Variants in INSRR observed in about 807,000 individuals in gnomAD.
INSRR encodes insulin receptor related receptor.
INSRR carries 114 observed loss-of-function variants against 130.0 expected under a neutral mutation model. The ratio of observed to expected loss-of-function variants is 0.88; its 90% CI spans 0.75 to 1.02. The LOEUF (loss-of-function observed/expected upper bound fraction) is 1.02. INSRR is among the 50% of genes least tolerant of loss of function. The pLI is 0.00. For missense variants in INSRR, 1,657 were observed against 1,735.2 expected, an observed-to-expected ratio of 0.95 and a Z score of 0.80; for synonymous variants, 674 against 705.2, an observed-to-expected ratio of 0.96 and a Z score of 0.70.
rs1654736329 is a variant in INSRR at position 156,840,591 on chromosome 1, G to T, written c.*282C>A. Reference sequence around the variant, plus strand: ...GGCCCCCTCTTCCTAGTCTGAGTGGGGTCCCTACCTCTGAGGGCAGGACAT... The same window carrying T: ...GGCCCCCTCTTCCTAGTCTGAGTGGTGTCCCTACCTCTGAGGGCAGGACAT... On this transcript the variant is annotated 3_prime_UTR_variant, in exon 22 of 22. Transcript: ENST00000368195. The T allele has an allele frequency of 2.1e-6, 1 of 484,594 alleles. No homozygotes were observed. The highest frequency in any genetic ancestry group is 1.9e-5 in the African/African-American group (1 of 51,540). The allele number at this position is 484,594 out of a possible 1,614,324, so 30.0% of individuals were successfully genotyped here. A position where few individuals can be genotyped will look rare whatever the true frequency, so the allele number is the denominator to read the frequency against.
chr1:156,854,847 A>G lies in INSRR; in HGVS notation c.86-544T>C, dbSNP rs1347906620. On this transcript the variant is annotated intron_variant, in intron 1 of 21. Transcript: ENST00000368195. The surrounding 1 kb of genome is among the most constrained non-coding windows in gnomAD (Gnocchi z 4.2). ...CAGCCAGAGTGATCTCAAAACACAGATGGATCACGTTTCTCCTCTGCTTAT... is the reference window on the plus strand; with the variant it reads ...CAGCCAGAGTGATCTCAAAACACAGGTGGATCACGTTTCTCCTCTGCTTAT... 6.6e-6 allele frequency among the ~76,000 whole-genome samples: 1 copy of G among 151,908 alleles called. No individual in the cohort carries two copies. Among genetic ancestry groups the G allele is most frequent in the African/African-American group, 2.4e-5 (1 of 41,332 alleles).
Position 156,856,569 on chromosome 1 carries a change from G to A in INSRR, c.85+1968C>T, listed in dbSNP as rs148328310. On this transcript the variant is annotated intron_variant, in intron 1 of 21. Transcript: ENST00000368195. ...CTTTCTTCCCTGACCCTCTGGCCTGGAGTTAATCACTTCCCCTTTAGGCTC... is the reference window on the plus strand; with the variant it reads ...CTTTCTTCCCTGACCCTCTGGCCTGAAGTTAATCACTTCCCCTTTAGGCTC... 4.0e-3 allele frequency among the ~76,000 whole-genome samples: 607 copies of A among 152,272 alleles called. 1 individual carries two copies. Among genetic ancestry groups the A allele is most frequent in the African/African-American group, 0.014 (570 of 41,532 alleles).
Position 156,847,810 on chromosome 1 carries a change from C to T in INSRR, c.1572-1053G>A, listed in dbSNP as rs988338800. On this transcript the variant is annotated intron_variant, in intron 7 of 21. Coordinates refer to ENST00000368195, the MANE Select transcript of INSRR (RefSeq NM_014215.3). ...CTCTGAGGGAGCATAGCTGCAGCCACGCTGCAGGGCAGTGATGTTAGGGAA... is the reference window on the plus strand; with the variant it reads ...CTCTGAGGGAGCATAGCTGCAGCCATGCTGCAGGGCAGTGATGTTAGGGAA... 3.3e-5 allele frequency among the ~76,000 whole-genome samples: 5 copies of T among 152,186 alleles called. No individual in the cohort carries two copies. The East Asian group carries it at 7.7e-4, about 24-fold the overall frequency.
chr1:156,841,379 G>A lies in INSRR; in HGVS notation c.3662+15C>T. The A allele has an allele frequency of 6.2e-7, 1 of 1,612,654 alleles. No individual in the cohort carries two copies. The highest frequency in any genetic ancestry group is 8.5e-7 in the Non-Finnish European group (1 of 1,178,846). ...GTAGATCAACAATGAGGAAGGGGCAGGGGAGGTGACTCACAGCTGAAGGGG... is the reference window on the plus strand; with the variant it reads ...GTAGATCAACAATGAGGAAGGGGCAAGGGAGGTGACTCACAGCTGAAGGGG... On this transcript the variant is annotated intron_variant, in intron 21 of 21. Transcript: ENST00000368195.
In INSRR at chr1:156,841,712, G is replaced by A. The variant is rs111433413; in HGVS notation, c.3480C>T (p.Ala1160=). The A allele has an allele frequency of 6.6e-4, 1,062 of 1,614,118 alleles. 8 individuals are homozygous for A. In the African/African-American group the frequency reaches 0.012, roughly 18 times the overall value. Residue 1160 remains alanine, a synonymous_variant, in exon 20 of 22, where the codon GCC becomes GCT. Transcript: ENST00000368195. The stretch of plus-strand genomic sequence containing the variant: ...AGATCCCATCTTTGAGGGACTCGGG[G>A]GCCATCCAGCGCACGGGCAGCAGCC... ...GKGLLPVRWM[A]PESLKDGIFT... is the part of the protein sequence containing the mutation.
At chr1:156,843,617 G>A (rs1172184657) in intron 15 of INSRR, 138 bp from the exon 16 acceptor site, 2 of 885,820 alleles carry the variant, frequency 2.3e-6, no homozygotes, top group East Asian at 4.9e-5. Flanking sequence ...GTGACTCCTG[G>A]GGATCCCTAA....
chr1:156,857,057 T>G (rs1655429994), intron 1 of INSRR, among the ~76,000 whole-genome samples: 1 of 151,832 alleles, frequency 6.6e-6, no homozygotes. Context: ...TCCTGATAGT[T>G]TGTTAAGAGA....
Position 156,845,602 on chromosome 1 carries a change from G to C in INSRR, c.2174+17C>G. On this transcript the variant is annotated intron_variant, in intron 10 of 21. Transcript: ENST00000368195. ...CCCACTCATCAGACCCTCCCAGGCC[G>C]CGCGCGCTCTTCGCACATGGGGATG... 4 of 1,347,840 alleles carry C rather than the reference G, an allele frequency of 3.0e-6. No homozygotes were observed. Among genetic ancestry groups the C allele is most frequent in the Non-Finnish European group, 3.9e-6 (4 of 1,020,632 alleles). 83.5% of individuals were successfully genotyped at this position (1,347,840 alleles called of 1,614,324 possible). A position where few individuals can be genotyped will look rare whatever the true frequency, so the allele number is the denominator to read the frequency against.
intron 16 of INSRR, 56 bp downstream of exon 16, chr1:156,843,371 T>C: frequency 6.3e-7 from 1 of 1,593,542 alleles, no homozygotes; most frequent in Non-Finnish European, 8.6e-7. Flanking sequence ...AGTCTGTCTC[T>C]GCTCCTCTCC....
rs1173724633 is a variant in INSRR, at chr1:156,846,549, G to A, written c.1780C>T (p.Pro594Ser). 1 of 1,614,052 alleles carries A rather than the reference G, an allele frequency of 6.2e-7. No homozygotes were observed. The highest frequency in any genetic ancestry group is 1.3e-5 in the African/African-American group (1 of 74,944). Reference sequence around the variant, plus strand: ...GGCAGCGTTCGGAGGTAGACGATGGGACTCTGGGCTCCTTGATGAGGGCTG... The same window carrying A: ...GGCAGCGTTCGGAGGTAGACGATGGAACTCTGGGCTCCTTGATGAGGGCTG... The part of the protein sequence containing the change: ...EDSPHQGAQS[P>S]IVYLRTLPAA... Residue 594 changes from proline to serine, a missense_variant, in exon 8 of 22, where the codon CCC becomes TCC. By Grantham distance (74) the Pro-to-Ser change is moderately conservative. Coordinates refer to ENST00000368195, the MANE Select transcript of INSRR (RefSeq NM_014215.3).
rs1654968041 is a variant in INSRR at position 156,845,588 on chromosome 1, G to A, written c.2174+31C>T. ...CGCCCCTCACAGGCCCCACTCATCA[G>A]ACCCTCCCAGGCCGCGCGCGCTCTT... On this transcript the variant is annotated intron_variant, in intron 10 of 21. Coordinates refer to ENST00000368195, the MANE Select transcript of INSRR (RefSeq NM_014215.3). 4.8e-6 allele frequency: 6 copies of A among 1,243,048 alleles called. No individual in the cohort carries two copies. The South Asian group carries it at 8.1e-5, about 17-fold the overall frequency. The allele number at this position is 1,243,048 out of a possible 1,614,324, so 77.0% of individuals were successfully genotyped here.
At chr1:156,856,431 A>G (rs549650434) in intron 1 of INSRR, among the ~76,000 whole-genome samples, 1 of 152,326 alleles carries the variant, frequency 6.6e-6, no homozygotes, top group East Asian at 1.9e-4. Flanking sequence ...AGGACATTCC[A>G]TTGCTAAAGA....
In INSRR at chr1:156,849,346, G is replaced by A; in HGVS notation, c.1344C>T (p.Leu448=). 1.9e-6 allele frequency: 3 copies of A among 1,614,034 alleles called. No individual in the cohort carries two copies. Among genetic ancestry groups the A allele is most frequent in the Non-Finnish European group, 2.5e-6 (3 of 1,180,010 alleles). The part of the protein sequence containing the change: ...GKIYFAFNPR[L]CLEHIYRLEE... ...CCAGTCGGTAGATGTGTTCCAAGCAGAGGCGCGGGTTGAAGGCGAAGTAGA... is the reference window on the plus strand; with the variant it reads ...CCAGTCGGTAGATGTGTTCCAAGCAAAGGCGCGGGTTGAAGGCGAAGTAGA... Residue 448 remains leucine (L), a synonymous_variant, in exon 6 of 22, where the codon CTC becomes CTT. Transcript: ENST00000368195.
chr1:156,844,692 C>T lies in INSRR; in HGVS notation c.2574+15G>A, dbSNP rs766624698. ...CACAAAACGGGGCTGGGACGGGGGTCCCACGGGCACCTACCTCTCCCAAGC... is the reference window on the plus strand; with the variant it reads ...CACAAAACGGGGCTGGGACGGGGGTTCCACGGGCACCTACCTCTCCCAAGC... On this transcript the variant is annotated intron_variant, in intron 13 of 21. Transcript: ENST00000368195. 1 of 1,614,026 alleles carries T rather than the reference C, an allele frequency of 6.2e-7. No individual in the cohort carries two copies.
chr1:156,857,163 ATGTGTGTGTGTGTGTGTGTG>A lies in INSRR; in HGVS notation c.85+1354_85+1373del, dbSNP rs57324546. 1.9e-3 allele frequency among the ~76,000 whole-genome samples: 247 copies of A among 130,638 alleles called. 1 individual carries two copies. Among genetic ancestry groups the A allele is most frequent in the African/African-American group, 6.3e-3 (224 of 35,302 alleles). 85.7% of individuals were successfully genotyped at this position (130,638 alleles called of 152,430 possible). A position where few individuals can be genotyped will look rare whatever the true frequency, so the allele number is the denominator to read the frequency against. ...GCTTGGCTCTGCCCAGCAGCTGTGT[ATGTGTGTGTGTGTGTGTGTG>A]TGTGTGTGTGTGTGTGTGTGTGTGT... is the stretch of plus-strand genomic sequence containing the variant. On this transcript the variant is annotated intron_variant, in intron 1 of 21. Transcript: ENST00000368195.
intron 5 of INSRR, 43 bp from the exon 6 acceptor site, chr1:156,849,503 C>CG: frequency 2.1e-6 from 1 of 483,668 alleles, no homozygotes; most frequent in South Asian, 2.1e-5. Context: ...GAGGTGGGGG[C>CG]AGGGGGTGGG....
rs777227609 is a variant in INSRR at position 156,842,083 on chromosome 1, C to T, written c.3397+29G>A. The T allele has an allele frequency of 4.3e-5, 70 of 1,613,088 alleles. 1 individual carries two copies. Among genetic ancestry groups the T allele is most frequent in the East Asian group, 2.0e-4 (9 of 44,864 alleles). On this transcript the variant is annotated intron_variant, in intron 19 of 21. Coordinates refer to ENST00000368195, the MANE Select transcript of INSRR (RefSeq NM_014215.3). ...AAGGGAGTCTCTCTACTTTTCAGGC[C>T]GCCCTCATCTGCCTGGCACCCTCTG...
Position 156,841,671 on chromosome 1 carries a change from TC to T in INSRR, c.3520del (p.Asp1174MetfsTer13). ...LKDGIFTTHSDVWSFGVVLWE... is the reference protein window; with the variant it reads ...LKDGIFTTHSXVWSFGVVLWE... ...TGCTCCAGCTCGGCCCCACCAGACA[TC>T]CGAGTGGGTGGTGAAGATCCCATCT... On this transcript the variant is annotated frameshift_variant, in exon 20 of 22. Coordinates refer to ENST00000368195, the MANE Select transcript of INSRR (RefSeq NM_014215.3). LOFTEE classifies it high-confidence loss of function. 4 of 1,613,636 alleles carry T rather than the reference TC, an allele frequency of 2.5e-6. No individual in the cohort carries two copies. Among genetic ancestry groups the T allele is most frequent in the Non-Finnish European group, 3.4e-6 (4 of 1,179,758 alleles).
At chr1:156,842,977 C>G in intron 17 of INSRR, 27 bp downstream of exon 17, 1 of 1,560,134 alleles carries the variant, frequency 6.4e-7, no homozygotes, top group South Asian at 1.1e-5. Flanking sequence ...AATTATGACC[C>G]TGACAATGCC....
Sources: gnomAD v4.1 joint callset for allele counts (sites outside exome capture counted in the v4.1 genomes callset) on GRCh38, gnomAD v4.1.1 for gene constraint, Gnocchi (gnomAD v3.1) non-coding constraint, MANE v1.5 for transcripts, NCBI Gene and HGNC (gene_info 2026-07-23, HGNC 2026-07-21) for gene names.